MSI2: variants seen among roughly 807,000 people sequenced by gnomAD.
MSI2 encodes RNA-binding protein Musashi homolog 2.
Under a neutral mutation model 45.6 loss-of-function variants are expected in MSI2, and 17 were observed. That is an observed-to-expected ratio of 0.37 (90% CI 0.26 to 0.56). The LOEUF is 0.56. Among genes scored for constraint, MSI2 ranks in the 20% least tolerant of loss-of-function variants. MSI2 has a pLI of 0.77. For missense variants in MSI2, 293 were observed against 444.2 expected, an observed-to-expected ratio of 0.66 and a Z score of 3.06; for synonymous variants, 156 against 158.2, an observed-to-expected ratio of 0.99 and a Z score of 0.11.
chr17:57,328,641 G>A (rs1354982584), intron 5 of MSI2, among the ~76,000 whole-genome samples: 4 of 152,062 alleles, frequency 2.6e-5, no homozygotes, highest in African/African-American at 9.7e-5. Flanking sequence ...CCATTGTATA[G>A]ATATAACCTA....
intron 9 of MSI2, among the ~76,000 whole-genome samples, chr17:57,623,637 G>A (rs759277560): frequency 7.9e-5 from 12 of 152,196 alleles, no homozygotes; most frequent in East Asian, 5.8e-4. Context: ...TTGATCAGGC[G>A]TCCAGAGTAT....
chr17:57,411,577 C>G (rs1392107263), intron 6 of MSI2, among the ~76,000 whole-genome samples: 3 of 152,190 alleles, frequency 2.0e-5, no homozygotes, highest in Non-Finnish European at 2.9e-5. Context: ...GACCCCTTAG[C>G]CCAACAGCAG....
At chr17:57,264,234 A>T (rs1907573391) in intron 5 of MSI2, 1 of 152,132 alleles carries the variant, frequency 6.6e-6, no homozygotes, top group Admixed American at 6.5e-5. Context: ...GTGAATTTGA[A>T]CAGGTCGTTT....
At chr17:57,313,711 C>T (rs541307681) in intron 5 of MSI2, among the ~76,000 whole-genome samples, 58 of 152,278 alleles carry the variant, frequency 3.8e-4, no homozygotes, top group Non-Finnish European at 6.8e-4. Flanking sequence ...CAGTTCGGTC[C>T]GGTTCATGTT....
chr17:57,447,103 T>C (rs1365356567), intron 6 of MSI2, among the ~76,000 whole-genome samples: 1 of 152,142 alleles, frequency 6.6e-6, no homozygotes, highest in African/African-American at 2.4e-5. Flanking sequence ...ATTTATGTAT[T>C]TAGAGATAGG....
intron 6 of MSI2, among the ~76,000 whole-genome samples, chr17:57,463,990 C>CGT (rs58522672): frequency 0.07 from 10,244 of 146,334 alleles, 386 homozygotes; most frequent in African/African-American, 0.11. Context: ...GTTTAATGAA[C>CGT]GTGTGTGTGT....
chr17:57,321,906 C>T (rs1186825805), intron 5 of MSI2, among the ~76,000 whole-genome samples: 2 of 152,076 alleles, frequency 1.3e-5, no homozygotes, highest in Non-Finnish European at 2.9e-5. Flanking sequence ...AAGTGATTCT[C>T]ATGCCCCAGC....
At chr17:57,334,915 T>C (rs1422822910) in intron 5 of MSI2, among the ~76,000 whole-genome samples, 2 of 151,226 alleles carry the variant, frequency 1.3e-5, no homozygotes, top group Non-Finnish European at 2.9e-5. Flanking sequence ...ATGAATTTAA[T>C]GGCAATTAAA....
At chr17:57,675,819 A>T (rs181678132) in intron 12 of MSI2, among the ~76,000 whole-genome samples, 1 of 152,238 alleles carries the variant, frequency 6.6e-6, no homozygotes, top group Non-Finnish European at 1.5e-5. Context: ...GATATTTGTA[A>T]TGCTCTGTGG....
intron 6 of MSI2, among the ~76,000 whole-genome samples, chr17:57,478,037 G>C (rs1224150566): frequency 6.6e-6 from 1 of 152,198 alleles, no homozygotes; most frequent in Non-Finnish European, 1.5e-5. Flanking sequence ...AGAGCACAGA[G>C]CCTCTGCCCG....
Position 57,681,714 on chromosome 17 carries a change from T to G in MSI2, c.*2197T>G, listed in dbSNP as rs928560122. 2 of 192,952 alleles carry G rather than the reference T, an allele frequency of 1.0e-5. No individual in the cohort carries two copies. Among genetic ancestry groups the G allele is most frequent in the Non-Finnish European group, 2.2e-5 (2 of 92,584 alleles). 12.0% of individuals were successfully genotyped at this position (192,952 alleles called of 1,614,324 possible). On this transcript the variant is annotated 3_prime_UTR_variant, in exon 14 of 14. Coordinates refer to ENST00000284073, the MANE Select transcript of MSI2 (RefSeq NM_138962.4). ...AGGTTTTTTTGTTGTTTTTTTCCTT[T>G]CTTTGTTTCTTTTCTTTTCCCCCAA...
chr17:57,348,411 A>G (rs1304731446), intron 5 of MSI2, among the ~76,000 whole-genome samples: 2 of 152,150 alleles, frequency 1.3e-5, no homozygotes, highest in Non-Finnish European at 2.9e-5. Context: ...TCATGTTGAA[A>G]TGTGATTTGC....
chr17:57,295,106 G>T (rs1378946029), intron 5 of MSI2, among the ~76,000 whole-genome samples: 1 of 152,206 alleles, frequency 6.6e-6, no homozygotes, highest in East Asian at 1.9e-4. Context: ...GGGATGGGGG[G>T]AATGTGCCCA....
intron 5 of MSI2, among the ~76,000 whole-genome samples, chr17:57,335,544 A>G (rs1484222713): frequency 6.6e-6 from 1 of 152,226 alleles, no homozygotes; most frequent in Non-Finnish European, 1.5e-5. Flanking sequence ...TTACCTGGCC[A>G]TTTATAGCAA....
chr17:57,259,008 A>T (rs1907073466), intron 4 of MSI2, among the ~76,000 whole-genome samples: 1 of 152,044 alleles, frequency 6.6e-6, no homozygotes, highest in African/African-American at 2.4e-5. Flanking sequence ...ACTTTTATAC[A>T]TCACAAGTTT....
At chr17:57,264,335 C>T (rs542979133) in intron 5 of MSI2, 4 of 151,910 alleles carry the variant, frequency 2.6e-5, no homozygotes, top group South Asian at 2.1e-4. Context: ...AAAAAAAAGA[C>T]GTTGCATGGT....
intron 5 of MSI2, among the ~76,000 whole-genome samples, chr17:57,324,025 A>G (rs993030735): frequency 6.6e-6 from 1 of 152,188 alleles, no homozygotes; most frequent in Non-Finnish European, 1.5e-5. Flanking sequence ...ACACAAAAAT[A>G]AGGCCAGGTG....
At chr17:57,633,874 G>A (rs16942109) in intron 10 of MSI2, among the ~76,000 whole-genome samples, 1 of 152,146 alleles carries the variant, frequency 6.6e-6, no homozygotes, top group Non-Finnish European at 1.5e-5. Flanking sequence ...TCTCCAGAGT[G>A]GTTTTCCCAT....
intron 5 of MSI2, among the ~76,000 whole-genome samples, chr17:57,310,985 C>A (rs958518474): frequency 6.6e-6 from 1 of 152,154 alleles, no homozygotes; most frequent in African/African-American, 2.4e-5. Context: ...ATTTTTTGAA[C>A]GGAATGGTTA....
Sources: allele counts gnomAD v4.1 joint callset (sites outside exome capture counted in the v4.1 genomes callset), GRCh38; gene constraint gnomAD v4.1.1; transcripts MANE v1.5; gene names NCBI Gene and HGNC (gene_info 2026-07-23, HGNC 2026-07-21).